Variants in SLC2A13 observed in about 807,000 individuals in gnomAD.
SLC2A13 encodes proton myo-inositol cotransporter.
SLC2A13 carries 32 observed loss-of-function variants against 64.4 expected under a neutral mutation model. The ratio of observed to expected loss-of-function variants is 0.50; its 90% CI spans 0.37 to 0.67. The LOEUF (loss-of-function observed/expected upper bound fraction) is 0.67. Ranked by LOEUF, SLC2A13 falls within the 30% of genes least tolerant of loss-of-function variation. SLC2A13 has a pLI of 0.00. For missense variants in SLC2A13, 743 were observed against 829.2 expected (o/e 0.90, Z 1.28); for synonymous variants, 338 against 327.1 (o/e 1.03, Z -0.36).
intron 4 of SLC2A13, among the ~76,000 whole-genome samples, chr12:39,949,003 T>C (rs1318839707): frequency 1.3e-5 from 2 of 152,090 alleles, no homozygotes; most frequent in Admixed American, 6.5e-5. Context: ...TACATACATA[T>C]ACACACACAA....
intron 1 of SLC2A13, among the ~76,000 whole-genome samples, chr12:40,083,632 A>G (rs1262676633): frequency 3.3e-5 from 5 of 152,186 alleles, no homozygotes; most frequent in Non-Finnish European, 5.9e-5. Flanking sequence ...AACTCCTCCC[A>G]TATCTTCTGG....
At chr12:40,005,510 G>T (rs2136188037) in intron 3 of SLC2A13, among the ~76,000 whole-genome samples, 1 of 152,250 alleles carries the variant, frequency 6.6e-6, no homozygotes, top group South Asian at 2.1e-4. Context: ...CTAAATCAGT[G>T]GTTCTCAAAG....
intron 3 of SLC2A13, among the ~76,000 whole-genome samples, chr12:40,012,793 T>C (rs1947552226): frequency 6.6e-6 from 1 of 152,174 alleles, no homozygotes; most frequent in Non-Finnish European, 1.5e-5. Flanking sequence ...TATCGCAAAC[T>C]TCCCAACAAA....
intron 7 of SLC2A13, among the ~76,000 whole-genome samples, chr12:39,786,735 G>C (rs1941202196): frequency 1.3e-5 from 2 of 152,160 alleles, no homozygotes; most frequent in African/African-American, 4.8e-5. Context: ...GCCTTGGTGG[G>C]TGAATCATTC....
intron 3 of SLC2A13, among the ~76,000 whole-genome samples, chr12:39,986,168 C>T (rs1054780606): frequency 1.3e-5 from 2 of 151,990 alleles, no homozygotes; most frequent in African/African-American, 4.8e-5. Flanking sequence ...TAATATAAAT[C>T]CTAACCTCCA....
intron 4 of SLC2A13, among the ~76,000 whole-genome samples, chr12:39,920,389 C>T (rs1334150329): frequency 6.6e-6 from 1 of 152,054 alleles, no homozygotes; most frequent in African/African-American, 2.4e-5. Context: ...TAATTATTGG[C>T]TTATAATATG....
chr12:39,810,869 G>A (rs946954233), intron 7 of SLC2A13, among the ~76,000 whole-genome samples: 6 of 152,036 alleles, frequency 3.9e-5, no homozygotes, highest in Non-Finnish European at 7.4e-5. Flanking sequence ...GAGATACTGC[G>A]ATGTTCATCT....
At chr12:39,890,834 T>G (rs887639717) in intron 4 of SLC2A13, among the ~76,000 whole-genome samples, 1 of 152,098 alleles carries the variant, frequency 6.6e-6, no homozygotes, top group Non-Finnish European at 1.5e-5. Flanking sequence ...TATACAGCTA[T>G]GAAAAATGTT....
intron 4 of SLC2A13, among the ~76,000 whole-genome samples, chr12:39,926,562 A>G (rs1240893135): frequency 6.6e-6 from 1 of 152,122 alleles, no homozygotes; most frequent in Non-Finnish European, 1.5e-5. Flanking sequence ...CATCATCTCA[A>G]TAGGTAATAA....
At chr12:40,052,945 T>A (rs956416696) in intron 1 of SLC2A13, among the ~76,000 whole-genome samples, 2 of 152,124 alleles carry the variant, frequency 1.3e-5, no homozygotes, top group Non-Finnish European at 1.5e-5. Context: ...ACTATGTTAT[T>A]TTTAAAGGCT....
At chr12:40,050,288 T>G (rs1379128890) in intron 1 of SLC2A13, among the ~76,000 whole-genome samples, 3 of 152,212 alleles carry the variant, frequency 2.0e-5, no homozygotes, top group African/African-American at 4.8e-5. Flanking sequence ...TATTTAGCCA[T>G]GTAGCCCCAG....
chr12:39,782,033 T>A (rs140356560), intron 7 of SLC2A13, among the ~76,000 whole-genome samples: 1 of 152,350 alleles, frequency 6.6e-6, no homozygotes, highest in East Asian at 1.9e-4. Flanking sequence ...GGATTCTAGA[T>A]GGGCTTGTAC....
At chr12:40,103,959 G>A (rs1170956391) in intron 1 of SLC2A13, among the ~76,000 whole-genome samples, 1 of 152,190 alleles carries the variant, frequency 6.6e-6, no homozygotes, top group East Asian at 1.9e-4. Flanking sequence ...CAAAAGGAAG[G>A]TCACTACTGA....
In SLC2A13 at chr12:40,086,162, C is replaced by A. The variant is rs979850689; in HGVS notation, c.556+19091G>T. 7.2e-5 allele frequency among the ~76,000 whole-genome samples: 11 copies of A among 152,086 alleles called. No individual in the cohort carries two copies. In the East Asian group the frequency reaches 2.1e-3, roughly 29 times the overall value. ...CTCCCTGCTGCCTTCTAAGAAAGAGCAAAATCTGGGAAACTTCTGAAGTGA... is the reference window on the plus strand; with the variant it reads ...CTCCCTGCTGCCTTCTAAGAAAGAGAAAAATCTGGGAAACTTCTGAAGTGA... On this transcript the variant is annotated intron_variant, in intron 1 of 9. Transcript: ENST00000280871.
intron 6 of SLC2A13, among the ~76,000 whole-genome samples, chr12:39,832,211 C>T (rs1942872562): frequency 1.3e-5 from 2 of 152,142 alleles, no homozygotes; most frequent in Non-Finnish European, 2.9e-5. Context: ...CACTGAGTGT[C>T]TGGCTTTGAG....
intron 1 of SLC2A13, among the ~76,000 whole-genome samples, chr12:40,076,908 G>A (rs916342608): frequency 1.7e-4 from 26 of 152,096 alleles, no homozygotes; most frequent in African/African-American, 5.8e-4. Context: ...TTTCTTTAAT[G>A]ATTAATGATG....
chr12:39,813,912 T>C (rs1566821314), intron 7 of SLC2A13, among the ~76,000 whole-genome samples: 1 of 152,232 alleles, frequency 6.6e-6, no homozygotes, highest in Non-Finnish European at 1.5e-5. Context: ...GGAAACTGTC[T>C]GAAGCCTACA....
intron 6 of SLC2A13, among the ~76,000 whole-genome samples, chr12:39,841,102 C>A (rs1056828782): frequency 2.0e-5 from 3 of 152,092 alleles, no homozygotes; most frequent in African/African-American, 7.2e-5. Context: ...CTTCCCCTTA[C>A]ACGTTGAGGC....
intron 4 of SLC2A13, among the ~76,000 whole-genome samples, chr12:39,928,173 A>G (rs556610381): frequency 1.3e-5 from 2 of 152,312 alleles, no homozygotes; most frequent in East Asian, 3.9e-4. Context: ...TAGTCAAAAA[A>G]CGCTACACAT....
Sources: allele counts gnomAD v4.1 joint callset (sites outside exome capture counted in the v4.1 genomes callset), GRCh38; gene constraint gnomAD v4.1.1; transcripts MANE v1.5; gene names NCBI Gene and HGNC (gene_info 2026-07-23, HGNC 2026-07-21).